The following SHANK2 variants were observed in gnomAD, a reference collection of about 807,000 sequenced individuals.
The protein encoded by SHANK2 is SH3 and multiple ankyrin repeat domains protein 2.
In SHANK2, 43 loss-of-function variants were observed where a neutral mutation model predicts 133.7. That is an observed-to-expected ratio of 0.32 (90% CI 0.25 to 0.41). The LOEUF is 0.41. Ranked by LOEUF, SHANK2 falls within the 10% of genes least tolerant of loss-of-function variation. The pLI, the probability that SHANK2 is intolerant of heterozygous loss-of-function variation, is 1.00. For missense variants in SHANK2, 1,994 were observed against 2,235.8 expected (o/e 0.89, Z 2.18); for synonymous variants, 1,017 against 952.8 (o/e 1.07, Z -1.24).
At chr11:71,092,396 C>A in intron 8 of SHANK2, 26 bp downstream of exon 8, 1 of 1,550,758 alleles carries the variant, frequency 6.4e-7, no homozygotes, top group Non-Finnish European at 8.7e-7. Context: ...GTGGGTACAA[C>A]AGAGTGGAGA....
intron 14 of SHANK2, among the ~76,000 whole-genome samples, chr11:70,784,180 CTTT>C (rs1160381914): frequency 7.0e-6 from 1 of 141,998 alleles, no homozygotes. Flanking sequence ...GAAACCCCTG[CTTT>C]TTTTTTTTTT....
At chr11:70,612,431 C>T (rs544557601) in intron 17 of SHANK2, among the ~76,000 whole-genome samples, 9 of 152,226 alleles carry the variant, frequency 5.9e-5, no homozygotes, top group East Asian at 3.9e-4. Context: ...TCTCTACATA[C>T]GTGTGTACAC....
intron 17 of SHANK2, among the ~76,000 whole-genome samples, chr11:70,533,514 G>A (rs903937769): frequency 6.6e-6 from 1 of 152,118 alleles, no homozygotes; most frequent in African/African-American, 2.4e-5. Flanking sequence ...CACAACCCGG[G>A]GGCCCATGTC....
intron 14 of SHANK2, among the ~76,000 whole-genome samples, chr11:70,715,310 C>T (rs1376827426): frequency 2.0e-5 from 3 of 152,228 alleles, no homozygotes; most frequent in Non-Finnish European, 4.4e-5. Context: ...CTCAGCTCTG[C>T]CCTGCTGCCC....
chr11:71,145,978 G>A (rs546379961), intron 3 of SHANK2, among the ~76,000 whole-genome samples: 18 of 152,274 alleles, frequency 1.2e-4, no homozygotes, highest in Admixed American at 9.2e-4. Flanking sequence ...AGACTGTGAC[G>A]AGCCTCACCC....
At position 70,711,751 on chromosome 11, in the gene SHANK2, A is replaced by G. The variant is rs115795133; in HGVS notation, c.1778-12988T>C. On this transcript the variant is annotated intron_variant, in intron 14 of 25. Coordinates refer to ENST00000601538, the MANE Select transcript of SHANK2 (RefSeq NM_012309.5). The stretch of plus-strand genomic sequence containing the variant: ...AGCTTTGATTTGAAAAGCAACACGT[A>G]TCACAAAAATGCCGCCAACTGGCTC... Among the ~76,000 whole-genome samples, 485 of 152,382 alleles carry G rather than the reference A, an allele frequency of 3.2e-3. 1 individual carries two copies. Among genetic ancestry groups the G allele is most frequent in the African/African-American group, 0.011 (464 of 41,596 alleles).
intron 15 of SHANK2, among the ~76,000 whole-genome samples, chr11:70,679,333 C>A (rs1440861103): frequency 2.0e-5 from 3 of 152,224 alleles, no homozygotes; most frequent in African/African-American, 7.2e-5. Context: ...GGGCATCCAA[C>A]CCCCGAGGCC....
chr11:70,805,336 T>C (rs1394678116), intron 13 of SHANK2, among the ~76,000 whole-genome samples: 1 of 152,230 alleles, frequency 6.6e-6, no homozygotes, highest in East Asian at 1.9e-4. Context: ...GTGAGCTTCC[T>C]TGGCTCCCAC....
chr11:70,479,132 C>G lies in SHANK2; in HGVS notation c.4980-5693G>C, dbSNP rs1318496799. 6.6e-6 allele frequency among the ~76,000 whole-genome samples: 1 copy of G among 152,206 alleles called. No homozygotes were observed. Among genetic ancestry groups the G allele is most frequent in the Admixed American group, 6.5e-5 (1 of 15,280 alleles). ...CAGCCCCGATGGACGCACATCCTGA[C>G]TAGTGCTCCCAGCCACCCACAGTCG... On this transcript the variant is annotated intron_variant, in intron 25 of 25. Transcript: ENST00000601538. This position sits in a 1 kb window ranked among gnomAD's most constrained non-coding sequence, Gnocchi z 4.4.
At position 70,485,750 on chromosome 11, in the gene SHANK2, T is replaced by C; in HGVS notation, c.4543A>G (p.Ser1515Gly). 6.2e-7 allele frequency: 1 copy of C among 1,614,072 alleles called. No individual in the cohort carries two copies. Among genetic ancestry groups the C allele is most frequent in the Non-Finnish European group, 8.5e-7 (1 of 1,180,032 alleles). The change falls in exon 25 of 26, where the codon AGC (serine) becomes GGC (glycine). Residue 1515 changes from serine to glycine, a missense_variant. Coordinates refer to ENST00000601538, the MANE Select transcript of SHANK2 (RefSeq NM_012309.5). This position sits in a 1 kb window ranked among gnomAD's most constrained non-coding sequence, Gnocchi z 5.8. ...ETTSTISTVS[S>G]ISTLSSEGGE... The stretch of plus-strand genomic sequence containing the variant: ...CCTTCGGAAGACAGGGTGGAGATGC[T>C]AGACACGGTGGAGATAGTGCTGGTC...
intron 6 of SHANK2, among the ~76,000 whole-genome samples, chr11:71,103,087 C>T (rs978419768): frequency 6.6e-6 from 1 of 152,224 alleles, no homozygotes; most frequent in Admixed American, 6.5e-5. Context: ...CCCCCAGGAG[C>T]CCATCACCTG....
chr11:70,811,664 C>T (rs1292785739), intron 12 of SHANK2, among the ~76,000 whole-genome samples: 1 of 142,668 alleles, frequency 7.0e-6, no homozygotes, highest in Non-Finnish European at 1.5e-5. Flanking sequence ...CATCCATCAT[C>T]TATTCATCCA....
intron 3 of SHANK2, among the ~76,000 whole-genome samples, chr11:71,144,193 AGGAGGTGGG>A (rs1279708245): frequency 4.0e-5 from 6 of 149,822 alleles, no homozygotes; most frequent in African/African-American, 1.5e-4. Context: ...AACAAGGCTC[AGGAGGTGGG>A]GGAGGGAAAG....
intron 15 of SHANK2, among the ~76,000 whole-genome samples, chr11:70,671,359 C>T (rs905014430): frequency 6.6e-6 from 1 of 152,226 alleles, no homozygotes; most frequent in South Asian, 2.1e-4. Flanking sequence ...AAACCAGCGC[C>T]ACGCCCCTGG....
At chr11:70,607,789 C>T (rs2060599077) in intron 17 of SHANK2, among the ~76,000 whole-genome samples, 1 of 152,258 alleles carries the variant, frequency 6.6e-6, no homozygotes, top group Non-Finnish European at 1.5e-5. Flanking sequence ...CTAATGCCAG[C>T]CTGGCTGGCC....
intron 10 of SHANK2, among the ~76,000 whole-genome samples, chr11:70,943,678 G>C (rs1421563601): frequency 2.6e-5 from 4 of 152,188 alleles, no homozygotes; most frequent in Non-Finnish European, 5.9e-5. Flanking sequence ...GCAACACCCA[G>C]TGCCAGATCA....
intron 14 of SHANK2, among the ~76,000 whole-genome samples, chr11:70,722,475 A>G (rs1946092563): frequency 6.6e-6 from 1 of 152,118 alleles, no homozygotes; most frequent in Non-Finnish European, 1.5e-5. Flanking sequence ...TCCTGATTCA[A>G]TCCCCTCTGT....
chr11:70,487,662 G>A lies in SHANK2; in HGVS notation c.2631C>T (p.Ser877=). 2 of 1,591,970 alleles carry A rather than the reference G, an allele frequency of 1.3e-6. No individual in the cohort carries two copies. Among genetic ancestry groups the A allele is most frequent in the Non-Finnish European group, 8.6e-7 (1 of 1,169,288 alleles). ...LAPPMLKFTR[S]LSMPDTSEDI... is the part of the protein sequence containing the mutation. ...CCTCAGAGGTGTCCGGCATGGACAG[G>A]CTTCTGGTGAACTTCAGCATTGGAG... The change falls in exon 25 of 26, where the codon AGC becomes AGT. Residue 877 remains serine (S), a synonymous_variant. Coordinates refer to ENST00000601538, the MANE Select transcript of SHANK2 (RefSeq NM_012309.5). The surrounding 1 kb of genome is among the most constrained non-coding windows in gnomAD (Gnocchi z 5.8).
At chr11:70,885,440 G>A (rs527835825) in intron 11 of SHANK2, among the ~76,000 whole-genome samples, 85 of 152,220 alleles carry the variant, frequency 5.6e-4, no homozygotes, top group Non-Finnish European at 1.1e-3. Context: ...CTTCCCAGCA[G>A]CCACGTGTCC....
Sources: gnomAD v4.1 joint callset for allele counts (sites outside exome capture counted in the v4.1 genomes callset) on GRCh38, gnomAD v4.1.1 for gene constraint, Gnocchi (gnomAD v3.1) non-coding constraint, MANE v1.5 for transcripts, NCBI Gene and HGNC (gene_info 2026-07-23, HGNC 2026-07-21) for gene names.